TMEM132D: variants seen among roughly 807,000 people sequenced by gnomAD.
TMEM132D encodes mature OL transmembrane protein.
TMEM132D carries 21 observed loss-of-function variants against 62.3 expected under a neutral mutation model. The observed-to-expected ratio is 0.34, with a 90% CI of 0.24 to 0.49. The LOEUF (loss-of-function observed/expected upper bound fraction) is 0.49, where lower values mean the gene tolerates loss of function less well. Among genes scored for constraint, TMEM132D ranks in the 20% least tolerant of loss-of-function variants. The probability of loss-of-function intolerance (pLI) is 0.99; values close to 1 mark genes in which losing one functional copy is unlikely to be tolerated. For synonymous variants in TMEM132D, 621 were observed against 575.6 expected (o/e 1.08, Z -1.13); for missense variants, 1,346 against 1,402.8 (o/e 0.96, Z 0.65).
At chr12:129,265,134 C>A (rs1880651844) in intron 4 of TMEM132D, among the ~76,000 whole-genome samples, 1 of 152,156 alleles carries the variant, frequency 6.6e-6, no homozygotes, top group East Asian at 1.9e-4. Context: ...GACCTCTGAG[C>A]TGCCAGGTGG....
intron 3 of TMEM132D, among the ~76,000 whole-genome samples, chr12:129,356,021 G>C (rs1042522746): frequency 3.3e-5 from 5 of 152,110 alleles, no homozygotes; most frequent in African/African-American, 1.2e-4. Flanking sequence ...ACTTCATTTG[G>C]GTTCTCCACC....
intron 2 of TMEM132D, among the ~76,000 whole-genome samples, chr12:129,553,366 G>GC (rs1876955505): frequency 6.6e-6 from 1 of 152,156 alleles, no homozygotes; most frequent in African/African-American, 2.4e-5. Flanking sequence ...GCGTGTCTGT[G>GC]CACTGACAGG....
At chr12:129,843,289 A>G (rs1416930757) in intron 1 of TMEM132D, among the ~76,000 whole-genome samples, 1 of 152,234 alleles carries the variant, frequency 6.6e-6, no homozygotes, top group Non-Finnish European at 1.5e-5. Context: ...AAGAATTTTC[A>G]GAAAGCCTCA....
At chr12:129,576,704 C>T (rs694549) in intron 2 of TMEM132D, among the ~76,000 whole-genome samples, 128,633 of 151,616 alleles carry the variant, frequency 0.85, 54,844 homozygotes, top group East Asian at 0.99. Context: ...TGAATAACTT[C>T]TGACTCCTCC....
intron 1 of TMEM132D, among the ~76,000 whole-genome samples, chr12:129,778,260 A>AT (rs1294598801): frequency 9.2e-5 from 14 of 151,986 alleles, no homozygotes; most frequent in Admixed American, 2.6e-4. Context: ...CCCCCTTTAA[A>AT]TTTCAAAATT....
chr12:129,805,386 C>T (rs1593168855), intron 1 of TMEM132D, among the ~76,000 whole-genome samples: 4 of 152,046 alleles, frequency 2.6e-5, no homozygotes, highest in Admixed American at 6.5e-5. Context: ...GAAATAACGC[C>T]GCATATCTAC....
intron 4 of TMEM132D, among the ~76,000 whole-genome samples, chr12:129,265,082 C>G (rs951387020): frequency 1.3e-5 from 2 of 152,070 alleles, no homozygotes; most frequent in Admixed American, 1.3e-4. Flanking sequence ...TCCTCCAAAA[C>G]AAAACTTTTC....
At chr12:129,159,071 A>G (rs1377754827) in intron 5 of TMEM132D, among the ~76,000 whole-genome samples, 2 of 152,178 alleles carry the variant, frequency 1.3e-5, no homozygotes, top group Admixed American at 6.5e-5. Context: ...ACAATTCCAG[A>G]TGAGATTTGG....
intron 3 of TMEM132D, among the ~76,000 whole-genome samples, chr12:129,414,927 T>G (rs1418191435): frequency 1.3e-5 from 2 of 152,244 alleles, no homozygotes; most frequent in Non-Finnish European, 2.9e-5. Flanking sequence ...CGTATCTGTC[T>G]TTCTGTGCCT....
At chr12:129,584,488 C>T (rs1877964148) in intron 2 of TMEM132D, among the ~76,000 whole-genome samples, 1 of 152,186 alleles carries the variant, frequency 6.6e-6, no homozygotes, top group Admixed American at 6.5e-5. Context: ...AGTTACTCCC[C>T]CTCCCTTTGA....
chr12:129,640,958 A>G (rs1879627572), intron 2 of TMEM132D, among the ~76,000 whole-genome samples: 1 of 152,184 alleles, frequency 6.6e-6, no homozygotes, highest in African/African-American at 2.4e-5. Flanking sequence ...ATGATCTGTC[A>G]CTGTCTCCCA....
At chr12:129,133,521 C>T (rs1876441342) in intron 5 of TMEM132D, among the ~76,000 whole-genome samples, 1 of 152,244 alleles carries the variant, frequency 6.6e-6, no homozygotes, top group African/African-American at 2.4e-5. Flanking sequence ...CCTGCTCTTC[C>T]CCCTTTATGT....
intron 3 of TMEM132D, among the ~76,000 whole-genome samples, chr12:129,378,163 C>A (rs1183034069): frequency 6.6e-6 from 1 of 152,158 alleles, no homozygotes; most frequent in Non-Finnish European, 1.5e-5. Context: ...TCAAAATATA[C>A]TGGAGAACAA....
chr12:129,730,238 G>A (rs1203035309), intron 1 of TMEM132D, among the ~76,000 whole-genome samples: 2 of 152,072 alleles, frequency 1.3e-5, no homozygotes, highest in African/African-American at 2.4e-5. Flanking sequence ...AAAGAGGGTG[G>A]CAATGAATTG....
At chr12:129,569,397 C>T (rs144566414) in intron 2 of TMEM132D, among the ~76,000 whole-genome samples, 6 of 152,214 alleles carry the variant, frequency 3.9e-5, no homozygotes, top group African/African-American at 1.2e-4. Flanking sequence ...CATTACAGTG[C>T]TACTCCTGCC....
intron 2 of TMEM132D, among the ~76,000 whole-genome samples, chr12:129,571,584 T>A (rs1179766361): frequency 4.6e-5 from 7 of 151,218 alleles, no homozygotes; most frequent in African/African-American, 7.3e-5. Context: ...AAAAAAATAA[T>A]AATAATAAAA....
rs141533053 is a variant in TMEM132D at position 129,553,200 on chromosome 12, G to A, written c.969-21995C>T. On this transcript the variant is annotated intron_variant, in intron 2 of 8. Transcript: ENST00000422113. Reference sequence around the variant, plus strand: ...TCATCAGTCAGGCTCCCTGCTGGTCGCTCTCACCACTGCTGCCCCGATGCC... The same window carrying A: ...TCATCAGTCAGGCTCCCTGCTGGTCACTCTCACCACTGCTGCCCCGATGCC... 2.3e-3 allele frequency among the ~76,000 whole-genome samples: 348 copies of A among 152,114 alleles called. 3 individuals carry two copies. The highest frequency in any genetic ancestry group is 7.1e-3 in the African/African-American group (295 of 41,492).
rs185999902 is a variant in TMEM132D at position 129,407,869 on chromosome 12, A to C, written c.1116-70052T>G. Among the ~76,000 whole-genome samples, 5 of 150,822 alleles carry C rather than the reference A, an allele frequency of 3.3e-5. No individual in the cohort carries two copies. The East Asian group carries it at 9.8e-4, about 29-fold the overall frequency. On this transcript the variant is annotated intron_variant, in intron 3 of 8. Transcript: ENST00000422113. ...CGCACCACTGCACTCCAGCCTGGGC[A>C]ACAGAGCGAGACTCCGACTCAAAAA...
intron 4 of TMEM132D, among the ~76,000 whole-genome samples, chr12:129,297,757 G>A (rs1002831293): frequency 1.4e-4 from 21 of 152,070 alleles, no homozygotes; most frequent in Admixed American, 2.6e-4. Flanking sequence ...CGACCTCATC[G>A]CCCTGGTGCT....
Sources: allele counts gnomAD v4.1 joint callset (sites outside exome capture counted in the v4.1 genomes callset), GRCh38; gene constraint gnomAD v4.1.1; transcripts MANE v1.5; gene names NCBI Gene and HGNC (gene_info 2026-07-23, HGNC 2026-07-21).